ENPP3: variants seen among roughly 807,000 people sequenced by gnomAD.
The protein encoded by ENPP3 is ectonucleotide pyrophosphatase/phosphodiesterase 3.
ENPP3 carries 104 observed loss-of-function variants against 117.8 expected under a neutral mutation model. The observed-to-expected ratio is 0.88, with a 90% confidence interval of 0.75 to 1.04. The LOEUF (loss-of-function observed/expected upper bound fraction) is 1.04, where lower values mean the gene tolerates loss of function less well. ENPP3 is among the 50% of genes least tolerant of loss of function. The pLI is 0.00. For synonymous variants in ENPP3, 380 were observed against 349.9 expected, an observed-to-expected ratio of 1.09 and a Z score of -0.96; for missense variants, 1,026 against 1,051.9, an observed-to-expected ratio of 0.98 and a Z score of 0.34.
intron 15 of ENPP3, among the ~76,000 whole-genome samples, chr6:131,717,328 A>G (rs1562470128): frequency 6.7e-6 from 1 of 148,162 alleles, no homozygotes; most frequent in African/African-American, 2.6e-5. Flanking sequence ...GAGTTTGTAA[A>G]AACAAACAGA....
intron 20 of ENPP3, among the ~76,000 whole-genome samples, chr6:131,728,918 T>G (rs1005595134): frequency 6.6e-6 from 1 of 152,240 alleles, no homozygotes; most frequent in Non-Finnish European, 1.5e-5. Flanking sequence ...GTGTTCCTGT[T>G]GCTAGGTGAT....
chr6:131,676,784 C>A lies in ENPP3; in HGVS notation c.921C>A (p.Asp307Glu), dbSNP rs757039312. The change falls in exon 10 of 25, where the codon GAC becomes GAA. Residue 307 changes from aspartate (D) to glutamate (E), a missense_variant. Asp to Glu is a conservative substitution (Grantham distance 45, BLOSUM62 2). Coordinates refer to ENST00000357639, the MANE Select transcript of ENPP3 (RefSeq NM_005021.5). ...ERISTLLKWLDLPKAERPRFY... is the reference protein window; with the variant it reads ...ERISTLLKWLELPKAERPRFY... The stretch of plus-strand genomic sequence containing the variant: ...TTTCTACACTGTTAAAATGGCTGGA[C>A]CTGCCCAAAGCTGAAAGGTAATGTC... 5.6e-6 allele frequency: 9 copies of A among 1,610,364 alleles called. No individual in the cohort carries two copies. The highest frequency in any genetic ancestry group is 1.7e-5 in the Admixed American group (1 of 59,948).
rs1554259595 is a variant in ENPP3 at position 131,639,265 on chromosome 6, A to AT, written c.78+1816dup. Among the ~76,000 whole-genome samples, 295 of 107,188 alleles carry AT rather than the reference A, an allele frequency of 2.8e-3. 1 individual carries two copies. The highest frequency in any genetic ancestry group is 7.9e-3 in the East Asian group (27 of 3,408). The allele number at this position is 107,188 out of a possible 152,430, so 70.3% of individuals were successfully genotyped here. On this transcript the variant is annotated intron_variant, in intron 1 of 24. Coordinates refer to ENST00000357639, the MANE Select transcript of ENPP3 (RefSeq NM_005021.5). ...TATGCTAATATATATATATATATAT[A>AT]TTTTTTTTTTTTTCTCTCTCTCTTT...
chr6:131,646,568 G>T (rs1234311832), intron 2 of ENPP3, among the ~76,000 whole-genome samples: 4 of 151,878 alleles, frequency 2.6e-5, no homozygotes, highest in Non-Finnish European at 5.9e-5. Context: ...TGGGAGGCAG[G>T]GTGAGTAGTG....
At chr6:131,646,642 C>T (rs2114300112) in intron 2 of ENPP3, among the ~76,000 whole-genome samples, 1 of 151,928 alleles carries the variant, frequency 6.6e-6, no homozygotes, top group East Asian at 1.9e-4. Context: ...TTCCCCTCTT[C>T]TCTTACCTAA....
chr6:131,654,581 T>C (rs1233919196), intron 5 of ENPP3, among the ~76,000 whole-genome samples: 1 of 152,156 alleles, frequency 6.6e-6, no homozygotes, highest in African/African-American at 2.4e-5. Context: ...TAGGTGGGAC[T>C]ATAAGCATGT....
intron 15 of ENPP3, among the ~76,000 whole-genome samples, chr6:131,697,545 T>TG (rs1779435550): frequency 6.6e-6 from 1 of 151,926 alleles, no homozygotes; most frequent in Non-Finnish European, 1.5e-5. Flanking sequence ...CTCGTTATAC[T>TG]GTAGAATCAG....
chr6:131,721,794 G>T (rs1780039073), intron 17 of ENPP3, among the ~76,000 whole-genome samples: 1 of 152,138 alleles, frequency 6.6e-6, no homozygotes, highest in African/African-American at 2.4e-5. Flanking sequence ...ATCATGATAT[G>T]CTTACGAAAC....
chr6:131,695,203 TATAA>T (rs1202987250), intron 15 of ENPP3, among the ~76,000 whole-genome samples: 1 of 152,184 alleles, frequency 6.6e-6, no homozygotes, highest in Non-Finnish European at 1.5e-5. Context: ...GTATGTAATA[TATAA>T]ATAAATATAT....
chr6:131,736,120 G>A (rs2114566960), intron 21 of ENPP3, among the ~76,000 whole-genome samples: 1 of 152,364 alleles, frequency 6.6e-6, no homozygotes, highest in South Asian at 2.1e-4. Flanking sequence ...CCCGAGGAGT[G>A]CAGCTGTGAG....
At position 131,658,279 on chromosome 6, in the gene ENPP3, G is replaced by T. The variant is rs1778427011; in HGVS notation, c.465-44G>T. The stretch of plus-strand genomic sequence containing the variant: ...GGATTGCAATGCTTTTGAGGTAAAT[G>T]TAGCTATCCAAAACAATGGACAAAT... On this transcript the variant is annotated intron_variant, in intron 5 of 24. Coordinates refer to ENST00000357639, the MANE Select transcript of ENPP3 (RefSeq NM_005021.5). The T allele has an allele frequency of 4.0e-6, 4 of 1,008,078 alleles. No individual in the cohort carries two copies. The Admixed American group carries it at 6.8e-5, about 17-fold the overall frequency. 62.4% of individuals were successfully genotyped at this position (1,008,078 alleles called of 1,614,324 possible).
intron 12 of ENPP3, among the ~76,000 whole-genome samples, chr6:131,683,711 TCAAA>T (rs1177531188): frequency 6.6e-6 from 1 of 151,548 alleles, no homozygotes; most frequent in Admixed American, 6.6e-5. Context: ...CAAAATGCAT[TCAAA>T]CAGTTTTGAA....
chr6:131,682,987 A>G lies in ENPP3; in HGVS notation c.1012-67A>G, dbSNP rs182908761. ...TGGAGATGTGTTTAATTTTTACTTC[A>G]TTAGATAACGGTTTGGCTAATTAAG... is the stretch of plus-strand genomic sequence containing the variant. On this transcript the variant is annotated intron_variant, in intron 11 of 24. Coordinates refer to ENST00000357639, the MANE Select transcript of ENPP3 (RefSeq NM_005021.5). 32 of 959,514 alleles carry G rather than the reference A, an allele frequency of 3.3e-5. No individual in the cohort carries two copies. In the African/African-American group the frequency reaches 4.0e-4, roughly 12 times the overall value. 59.4% of individuals were successfully genotyped at this position (959,514 alleles called of 1,614,324 possible).
chr6:131,710,896 G>C, intron 15 of ENPP3: 1 of 1,605,020 alleles, frequency 6.2e-7, no homozygotes, highest in Non-Finnish European at 8.5e-7. Flanking sequence ...CACCAGTTCC[G>C]ATGGAAAACC....
chr6:131,718,343 A>T (rs6941622), intron 15 of ENPP3, among the ~76,000 whole-genome samples: 38,780 of 151,542 alleles, frequency 0.26, 8,193 homozygotes, highest in African/African-American at 0.57. Flanking sequence ...ATTTTTTTTT[A>T]AAATATGTAC....
At chr6:131,682,134 C>T (rs776473690) in intron 11 of ENPP3, among the ~76,000 whole-genome samples, 9 of 152,112 alleles carry the variant, frequency 5.9e-5, no homozygotes, top group Non-Finnish European at 1.2e-4. Context: ...CACCCTGCCC[C>T]ACTGTTCTTT....
intron 11 of ENPP3, among the ~76,000 whole-genome samples, chr6:131,680,593 G>C (rs1234153594): frequency 6.6e-6 from 1 of 152,056 alleles, no homozygotes; most frequent in Non-Finnish European, 1.5e-5. Flanking sequence ...GAGAAGAAGA[G>C]GCAAATGAAT....
At chr6:131,666,967 A>T (rs1257912042) in intron 6 of ENPP3, among the ~76,000 whole-genome samples, 1 of 152,100 alleles carries the variant, frequency 6.6e-6, no homozygotes, top group East Asian at 1.9e-4. Context: ...TGTCTAGAGT[A>T]TGCTAGGTCC....
chr6:131,742,644 C>A (rs1780551203), intron 24 of ENPP3, among the ~76,000 whole-genome samples: 1 of 152,114 alleles, frequency 6.6e-6, no homozygotes, highest in African/African-American at 2.4e-5. Flanking sequence ...CAAACAAAAA[C>A]AACTTCCAGC....
Sources: gnomAD v4.1 joint callset for allele counts (sites outside exome capture counted in the v4.1 genomes callset) on GRCh38, gnomAD v4.1.1 for gene constraint, MANE v1.5 for transcripts, NCBI Gene and HGNC (gene_info 2026-07-23, HGNC 2026-07-21) for gene names.